Variants in ARHGEF6 observed in about 807,000 individuals in gnomAD.
The protein encoded by ARHGEF6 is Rac/Cdc42 guanine nucleotide exchange factor 6.
A neutral mutation model predicts 70.3 loss-of-function variants in ARHGEF6; 9 were observed. That is an observed-to-expected ratio of 0.13 (90% CI 0.08 to 0.22). The LOEUF is 0.22. ARHGEF6 is among the 10% of genes least tolerant of loss of function. ARHGEF6 has a pLI of 1.00. For missense variants in ARHGEF6, 470 were observed against 563.0 expected (o/e 0.83, Z 1.67); for synonymous variants, 201 against 207.8 (o/e 0.97, Z 0.28).
intron 6 of ARHGEF6, among the ~76,000 whole-genome samples, chrX:136,718,143 T>C (rs1156280897): frequency 4.5e-5 from 5 of 111,107 alleles, no homozygotes; most frequent in African/African-American, 1.6e-4. Context: ...ATAAAGACAC[T>C]TATAAATTAA....
chrX:136,778,110 A>G (rs2077420853), intron 2 of ARHGEF6, among the ~76,000 whole-genome samples: 1 of 111,400 alleles, frequency 9.0e-6, no homozygotes, highest in Admixed American at 9.5e-5. Flanking sequence ...GTAACCAAAC[A>G]CCACCTACCT....
chrX:136,730,457 T>TA (rs1231188356), intron 6 of ARHGEF6, among the ~76,000 whole-genome samples: 31 of 111,771 alleles, frequency 2.8e-4, no homozygotes, highest in African/African-American at 9.8e-4. Flanking sequence ...CATATCTAGT[T>TA]ACAATATATC....
chrX:136,757,486 A>G (rs769544651), intron 2 of ARHGEF6, among the ~76,000 whole-genome samples: 18 of 111,706 alleles, frequency 1.6e-4, no homozygotes, highest in Non-Finnish European at 3.0e-4. Context: ...TCTCACCATC[A>G]TCTCCTTATA....
At chrX:136,779,564 T>C in intron 1 of ARHGEF6, 67 bp from the exon 2 acceptor site, 1 of 998,146 alleles carries the variant, frequency 1.0e-6, no homozygotes, top group Non-Finnish European at 1.4e-6. Context: ...ATACTCATCA[T>C]TTGCTGATAA....
chrX:136,726,910 AGTG>A (rs2076858617), intron 6 of ARHGEF6, among the ~76,000 whole-genome samples: 1 of 112,714 alleles, frequency 8.9e-6, no homozygotes, highest in African/African-American at 3.2e-5. Flanking sequence ...CAATAGTTGC[AGTG>A]AATAAAGAAT....
intron 12 of ARHGEF6, 89 bp downstream of exon 12, chrX:136,685,588 C>T: frequency 1.9e-6 from 2 of 1,036,613 alleles, no homozygotes; most frequent in Non-Finnish European, 2.6e-6. Context: ...GCCTGAGTGA[C>T]AGAACAAGAC....
At chrX:136,695,930 A>G (rs1280010862) in intron 9 of ARHGEF6, among the ~76,000 whole-genome samples, 1 of 111,963 alleles carries the variant, frequency 8.9e-6, no homozygotes, top group Non-Finnish European at 1.9e-5. Flanking sequence ...TGTATGCTTG[A>G]AATATTTTAT....
intron 5 of ARHGEF6, among the ~76,000 whole-genome samples, chrX:136,737,789 G>A (rs750246677): frequency 3.0e-5 from 3 of 99,779 alleles, no homozygotes; most frequent in East Asian, 3.1e-4. Context: ...AATATTCCTC[G>A]GCAGCATCCT....
At chrX:136,710,585 G>A (rs2076675237) in intron 7 of ARHGEF6, among the ~76,000 whole-genome samples, 1 of 108,982 alleles carries the variant, frequency 9.2e-6, no homozygotes, top group Non-Finnish European at 1.9e-5. Context: ...CTTAAGTTGG[G>A]GCCTTACCTG....
chrX:136,667,544 G>A lies in ARHGEF6; in HGVS notation c.*485C>T, dbSNP rs2076173125. On this transcript the variant is annotated 3_prime_UTR_variant, in exon 22 of 22. Coordinates refer to ENST00000250617, the MANE Select transcript of ARHGEF6 (RefSeq NM_004840.3). Reference sequence around the variant, plus strand: ...TTGCCTTCGGTAAATTAAGTACTAAGAGGCTTGCAGGTACAGGAAAGCCCT... The same window carrying A: ...TTGCCTTCGGTAAATTAAGTACTAAAAGGCTTGCAGGTACAGGAAAGCCCT... The A allele has an allele frequency of 7.5e-6, 1 of 133,165 alleles. No individual in the cohort carries two copies. The highest frequency in any genetic ancestry group is 1.5e-5 in the Non-Finnish European group (1 of 66,498). 11.0% of individuals were successfully genotyped at this position (133,165 alleles called of 1,213,427 possible). A position where few individuals can be genotyped will look rare whatever the true frequency, so the allele number is the denominator to read the frequency against.
chrX:136,679,574 T>C lies in ARHGEF6; in HGVS notation c.1791A>G (p.Ala597=), dbSNP rs2076312514. 1 of 1,211,194 alleles carries C rather than the reference T, an allele frequency of 8.3e-7. No homozygotes were observed. The highest frequency in any genetic ancestry group is 3.0e-5 in the East Asian group (1 of 33,846). The part of the protein sequence containing the change: ...KPWSLSCLRP[A]PPLRPSAALG... The stretch of plus-strand genomic sequence containing the variant: ...GTGCTGCTGATGGTCTAAGTGGAGG[T>C]GCAGGTCGTAGACAACTTAAACTCC... The change falls in exon 16 of 22, where the codon GCA becomes GCG. Residue 597 remains alanine, a synonymous_variant. Coordinates refer to ENST00000250617, the MANE Select transcript of ARHGEF6 (RefSeq NM_004840.3).
intron 2 of ARHGEF6, chrX:136,773,999 G>A (rs2077382492): frequency 8.9e-6 from 1 of 111,891 alleles, no homozygotes; most frequent in Non-Finnish European, 1.9e-5. Flanking sequence ...TTTCTATCTT[G>A]TGCTCACTTC....
At chrX:136,682,076 T>C in intron 13 of ARHGEF6, 108 bp from the exon 14 acceptor site, 1 of 594,698 alleles carries the variant, frequency 1.7e-6, no homozygotes, top group Admixed American at 2.4e-5. Flanking sequence ...GCTAGACGTA[T>C]TTCTCCAGTC....
At chrX:136,734,273 G>A (rs186482490) in intron 5 of ARHGEF6, among the ~76,000 whole-genome samples, 1 of 111,625 alleles carries the variant, frequency 9.0e-6, no homozygotes, top group East Asian at 2.8e-4. Context: ...TGGTTCATAA[G>A]GCTTTCCTGG....
In ARHGEF6 at chrX:136,706,994, T is replaced by C; in HGVS notation, c.960A>G (p.Leu320=). The C allele has an allele frequency of 5.8e-6, 7 of 1,210,944 alleles. No individual in the cohort carries two copies. In the South Asian group the frequency reaches 7.0e-5, roughly 12 times the overall value. The part of the protein sequence containing the change: ...PENQHKVGGC[L]LSLMPHFKSM... The stretch of plus-strand genomic sequence containing the variant: ...ATTTAAAATGAGGCATGAGACTCAG[T>C]AGACAACCTCCTACTTTGTGCTGGT... Residue 320 remains leucine, a synonymous_variant, in exon 9 of 22, where the codon CTA becomes CTG. Transcript: ENST00000250617.
At chrX:136,736,618 G>GATGTGT (rs58741198) in intron 5 of ARHGEF6, among the ~76,000 whole-genome samples, 1 of 103,708 alleles carries the variant, frequency 9.6e-6, no homozygotes, top group African/African-American at 3.5e-5. Context: ...GTTAAAAAGA[G>GATGTGT]GTGTGTGTGT....
chrX:136,696,816 T>C (rs1213002841), intron 9 of ARHGEF6, among the ~76,000 whole-genome samples: 1 of 110,120 alleles, frequency 9.1e-6, no homozygotes, highest in Non-Finnish European at 1.9e-5. Flanking sequence ...AGAAGCTCCA[T>C]TCCGGGCAAC....
chrX:136,695,880 T>C (rs972645287), intron 9 of ARHGEF6, among the ~76,000 whole-genome samples: 1 of 112,204 alleles, frequency 8.9e-6, no homozygotes, highest in African/African-American at 3.2e-5. Flanking sequence ...TTAAGCTGAA[T>C]AGTGGGTACG....
intron 7 of ARHGEF6, among the ~76,000 whole-genome samples, chrX:136,712,570 G>A (rs747661629): frequency 8.9e-6 from 1 of 111,738 alleles, no homozygotes; most frequent in East Asian, 2.8e-4. Flanking sequence ...GATCTCTAGT[G>A]AAATTTAATT....
Sources: allele counts gnomAD v4.1 joint callset (sites outside exome capture counted in the v4.1 genomes callset), GRCh38; gene constraint gnomAD v4.1.1; transcripts MANE v1.5; gene names NCBI Gene and HGNC (gene_info 2026-07-23, HGNC 2026-07-21).